The following SCNN1A variants were observed in gnomAD, a reference collection of about 807,000 sequenced individuals.
SCNN1A encodes epithelial sodium channel subunit alpha.
SCNN1A carries 65 observed loss-of-function variants against 68.6 expected under a neutral mutation model. The ratio of observed to expected loss-of-function variants is 0.95; its 90% CI spans 0.78 to 1.16. The LOEUF (loss-of-function observed/expected upper bound fraction) is 1.16. Ranked by LOEUF, SCNN1A falls within the 50% of genes most tolerant of loss-of-function variation. SCNN1A has a pLI of 0.00. For synonymous variants in SCNN1A, 357 were observed against 353.3 expected (o/e 1.01, Z -0.12); for missense variants, 880 against 865.9 (o/e 1.02, Z -0.20).
In SCNN1A at chr12:6,349,321, A is replaced by G; in HGVS notation, c.1439+6T>C. ...CCAACCTGTACCCGGGGAAGGGGAC[A>G]CTAACCTGCATGGCTTCCGGCACTT... On this transcript the variant is annotated splice_donor_region_variant and intron_variant, in intron 9 of 12. Coordinates refer to ENST00000228916, the MANE Select transcript of SCNN1A (RefSeq NM_001038.6). 2.5e-6 allele frequency: 4 copies of G among 1,613,736 alleles called. No individual in the cohort carries two copies. Among genetic ancestry groups the G allele is most frequent in the Non-Finnish European group, 3.4e-6 (4 of 1,179,780 alleles).
chr12:6,377,194 A>G, upstream of SCNN1A: 2 of 1,480,034 alleles, frequency 1.4e-6, no homozygotes, highest in Non-Finnish European at 1.8e-6. Context: ...GTCTCTTGCG[A>G]CTTCTTAAAG....
chr12:6,356,994 A>G (rs1484740133), intron 4 of SCNN1A, among the ~76,000 whole-genome samples: 1 of 152,220 alleles, frequency 6.6e-6, no homozygotes, highest in African/African-American at 2.4e-5. Context: ...GATTGGAACT[A>G]GGTGATCCGG....
Position 6,355,303 on chromosome 12 carries a change from G to T in SCNN1A, c.1112C>A (p.Pro371His). The T allele has an allele frequency of 6.2e-7, 1 of 1,613,660 alleles. No individual in the cohort carries two copies. The highest frequency in any genetic ancestry group is 8.5e-7 in the Non-Finnish European group (1 of 1,179,808). The change falls in exon 6 of 13, where the codon CCT (proline) becomes CAT (histidine). Residue 371 changes from proline to histidine, a missense_variant. Around this residue, in one of 3 missense-constraint regions of SCNN1A, gnomAD observed 758 missense variants for 721.8 expected, o/e 1.05. Transcript: ENST00000228916. ...FMDDGGFNLRPGVETSISMRK... is the reference protein window; with the variant it reads ...FMDDGGFNLRHGVETSISMRK... ...CATGCTGATGGAGGTCTCCACGCCA[G>T]GCCGCAAGTTAAAGCCACCATCATC...
chr12:6,355,869 T>C lies in SCNN1A; in HGVS notation c.887A>G (p.His296Arg), dbSNP rs1430906919. The change falls in exon 5 of 13, where the codon CAC becomes CGC. Residue 296 changes from histidine to arginine, a missense_variant. Physicochemically the swap from His to Arg is conservative, Grantham distance 29. Around this residue, in one of 3 missense-constraint regions of SCNN1A, gnomAD observed 758 missense variants for 721.8 expected, o/e 1.05. Coordinates refer to ENST00000228916, the MANE Select transcript of SCNN1A (RefSeq NM_001038.6). Reference protein sequence around the residue: ...QVSCNQANYSHFHHPMYGNCY... With the variant: ...QVSCNQANYSRFHHPMYGNCY... ...GTTTCCATACATCGGGTGGTGGAAG[T>C]GAGAGTAATTCCTTATCAGGAAAGA... The C allele has an allele frequency of 1.9e-6, 3 of 1,605,104 alleles. No individual in the cohort carries two copies. Among genetic ancestry groups the C allele is most frequent in the Non-Finnish European group, 2.6e-6 (3 of 1,171,820 alleles).
rs1254752569 is a variant in SCNN1A, at chr12:6,347,821, C to T, written c.*52G>A. 7 of 1,501,186 alleles carry T rather than the reference C, an allele frequency of 4.7e-6. No homozygotes were observed. The highest frequency in any genetic ancestry group is 6.4e-6 in the Non-Finnish European group (7 of 1,089,690). The allele number at this position is 1,501,186 out of a possible 1,614,324, so 93.0% of individuals were successfully genotyped here. A position where few individuals can be genotyped will look rare whatever the true frequency, so the allele number is the denominator to read the frequency against. The stretch of plus-strand genomic sequence containing the variant: ...TCCTTCAATCTTGCCAGGGCCAGCA[C>T]CCTCCCACCAGAGGAGCATCTGCCT... On this transcript the variant is annotated 3_prime_UTR_variant, in exon 13 of 13. Transcript: ENST00000228916.
intron 2 of SCNN1A, among the ~76,000 whole-genome samples, chr12:6,368,647 G>A (rs79549467): frequency 0.029 from 4,460 of 152,254 alleles, 114 homozygotes; most frequent in Middle Eastern, 0.061. Context: ...ACTTATTCCA[G>A]TTGGCACAGC....
chr12:6,366,124 G>T (rs895775631), intron 2 of SCNN1A, among the ~76,000 whole-genome samples: 9 of 152,112 alleles, frequency 5.9e-5, no homozygotes, highest in Non-Finnish European at 1.3e-4. Flanking sequence ...AATGTGTTGG[G>T]ATTACAGTCG....
Position 6,348,261 on chromosome 12 carries a change from A to G in SCNN1A, c.1630-8T>C. On this transcript the variant is annotated splice_polypyrimidine_tract_variant and splice_region_variant and intron_variant, in intron 12 of 12. Coordinates refer to ENST00000228916, the MANE Select transcript of SCNN1A (RefSeq NM_001038.6). ...GGACAGGAGGGTGACCATCTGTGAG[A>G]GGAGAGGTACATTGACGATGGGACA... 2 of 1,613,890 alleles carry G rather than the reference A, an allele frequency of 1.2e-6. No homozygotes were observed. The highest frequency in any genetic ancestry group is 1.7e-6 in the Non-Finnish European group (2 of 1,179,962).
intron 2 of SCNN1A, among the ~76,000 whole-genome samples, chr12:6,368,422 A>G (rs996351525): frequency 5.3e-5 from 8 of 152,216 alleles, no homozygotes; most frequent in Admixed American, 4.6e-4. Flanking sequence ...ATTGCTATAA[A>G]GGTAGGTTAT....
At chr12:6,371,146 C>T (rs1264352404) in intron 2 of SCNN1A, among the ~76,000 whole-genome samples, 4 of 152,106 alleles carry the variant, frequency 2.6e-5, no homozygotes, top group Admixed American at 1.3e-4. Flanking sequence ...CTGCTGGTGG[C>T]GACCCTCAGC....
intron 8 of SCNN1A, among the ~76,000 whole-genome samples, chr12:6,352,063 G>A (rs56888996): frequency 0.15 from 22,847 of 152,088 alleles, 4,606 homozygotes; most frequent in African/African-American, 0.47. Context: ...AGTGAGTACA[G>A]GGTTTCTTTT....
intron 9 of SCNN1A, 49 bp from the exon 10 acceptor site, chr12:6,349,270 G>T (rs1474629303): frequency 1.2e-6 from 2 of 1,612,944 alleles, no homozygotes; most frequent in Admixed American, 1.7e-5. Context: ...TCTCCCAAAT[G>T]CTTGGCTCGG....
chr12:6,349,021 G>T lies in SCNN1A; in HGVS notation c.1498-16C>A. On this transcript the variant is annotated splice_polypyrimidine_tract_variant and intron_variant, in intron 10 of 12. Transcript: ENST00000228916. Reference sequence around the variant, plus strand: ...AGACCCATTCCTAGGAAAGAATGGGGGTGTCATCAAGGTCACTCCCATATG... The same window carrying T: ...AGACCCATTCCTAGGAAAGAATGGGTGTGTCATCAAGGTCACTCCCATATG... 6.2e-7 allele frequency: 1 copy of T among 1,613,020 alleles called. No homozygotes were observed. Among genetic ancestry groups the T allele is most frequent in the South Asian group, 1.1e-5 (1 of 91,048 alleles).
intron 2 of SCNN1A, among the ~76,000 whole-genome samples, chr12:6,366,310 AG>A (rs1313312835): frequency 2.0e-5 from 3 of 152,244 alleles, no homozygotes; most frequent in Non-Finnish European, 4.4e-5. Flanking sequence ...GAGAAATGAA[AG>A]CATATGCCCC....
At chr12:6,364,435 G>A (rs961922959) in intron 2 of SCNN1A, among the ~76,000 whole-genome samples, 1 of 151,958 alleles carries the variant, frequency 6.6e-6, no homozygotes, top group African/African-American at 2.4e-5. Flanking sequence ...AAGGTTGCAG[G>A]GTACACAACA....
At chr12:6,359,644 A>C (rs192267005) in intron 4 of SCNN1A, among the ~76,000 whole-genome samples, 3 of 152,116 alleles carry the variant, frequency 2.0e-5, no homozygotes, top group African/African-American at 7.2e-5. Flanking sequence ...TACCATGAGT[A>C]AAAGTTTCCT....
At chr12:6,367,330 T>C (rs758377458) in intron 2 of SCNN1A, among the ~76,000 whole-genome samples, 2 of 152,354 alleles carry the variant, frequency 1.3e-5, no homozygotes, top group African/African-American at 4.8e-5. Context: ...CATTATTTAA[T>C]TGTTAAAAGA....
At chr12:6,366,453 C>T (rs139358256) in intron 2 of SCNN1A, among the ~76,000 whole-genome samples, 13 of 152,268 alleles carry the variant, frequency 8.5e-5, no homozygotes, top group African/African-American at 2.6e-4. Context: ...TTACAGTGAG[C>T]TGTGTTTAAT....
At position 6,355,889 on chromosome 12, in the gene SCNN1A, G is replaced by T; in HGVS notation, c.876-9C>A. ...GGAAGTGAGAGTAATTCCTTATCAG[G>T]AAAGAGAGAGTAGGGTCAGAGAGGA... On this transcript the variant is annotated splice_polypyrimidine_tract_variant and intron_variant, in intron 4 of 12. Coordinates refer to ENST00000228916, the MANE Select transcript of SCNN1A (RefSeq NM_001038.6). The T allele has an allele frequency of 6.5e-7, 1 of 1,540,248 alleles. No individual in the cohort carries two copies. The highest frequency in any genetic ancestry group is 9.0e-7 in the Non-Finnish European group (1 of 1,112,456).
Sources: gnomAD v4.1 joint callset for allele counts (sites outside exome capture counted in the v4.1 genomes callset) on GRCh38, gnomAD v4.1.1 for gene constraint, gnomAD v4.1.1 regional missense constraint, MANE v1.5 for transcripts, NCBI Gene and HGNC (gene_info 2026-07-23, HGNC 2026-07-21) for gene names.